EYS: variants seen among roughly 807,000 people sequenced by gnomAD.
EYS encodes protein eyes shut homolog.
Under a neutral mutation model 282.1 loss-of-function variants are expected in EYS, and 250 were observed. The ratio of observed to expected loss-of-function variants is 0.89; its 90% CI spans 0.80 to 0.98. The LOEUF is 0.98. Among genes scored for constraint, EYS ranks in the 50% least tolerant of loss-of-function variants. EYS has a pLI of 0.00. For synonymous variants in EYS, 1,355 were observed against 1,282.9 expected, an observed-to-expected ratio of 1.06 and a Z score of -1.20; for missense variants, 4,016 against 3,709.0, an observed-to-expected ratio of 1.08 and a Z score of -2.15.
rs575308844 is a variant in EYS at position 64,334,294 on chromosome 6, T to C, written c.6079-27212A>G. On this transcript the variant is annotated intron_variant, in intron 29 of 42. Coordinates refer to ENST00000503581, the MANE Select transcript of EYS (RefSeq NM_001142800.2). Reference sequence around the variant, plus strand: ...ACTACCTGATAAATGGACAGGGGCATGTGTATTAGGAAAAATAAGGCCATC... The same window carrying C: ...ACTACCTGATAAATGGACAGGGGCACGTGTATTAGGAAAAATAAGGCCATC... Among the ~76,000 whole-genome samples, 4 of 152,232 alleles carry C rather than the reference T, an allele frequency of 2.6e-5. No individual in the cohort carries two copies. The South Asian group carries it at 8.3e-4, about 32-fold the overall frequency.
At chr6:64,129,240 A>G (rs1404684913) in intron 31 of EYS, among the ~76,000 whole-genome samples, 2 of 152,178 alleles carry the variant, frequency 1.3e-5, no homozygotes, top group African/African-American at 4.8e-5. Flanking sequence ...AGTCCCACCA[A>G]CAGTGTAAAA....
At chr6:63,882,418 G>A (rs1432649166) in intron 35 of EYS, among the ~76,000 whole-genome samples, 1 of 152,168 alleles carries the variant, frequency 6.6e-6, no homozygotes, top group Non-Finnish European at 1.5e-5. Context: ...TCCATGAGGG[G>A]CAGAGGAGCA....
chr6:65,016,013 C>A (rs1211668905), intron 13 of EYS, among the ~76,000 whole-genome samples: 2 of 149,324 alleles, frequency 1.3e-5, no homozygotes, highest in South Asian at 2.1e-4. Context: ...CCACTGCAAT[C>A]CAGGCTGGCA....
intron 40 of EYS, among the ~76,000 whole-genome samples, chr6:63,766,487 G>T (rs893898422): frequency 6.6e-6 from 1 of 152,032 alleles, no homozygotes; most frequent in African/African-American, 2.4e-5. Flanking sequence ...GCAGATGGAG[G>T]CAAAAGTCCT....
At chr6:65,015,169 A>G (rs902910242) in intron 13 of EYS, among the ~76,000 whole-genome samples, 2 of 152,220 alleles carry the variant, frequency 1.3e-5, no homozygotes, top group Non-Finnish European at 2.9e-5. Flanking sequence ...GTGCAGTTTT[A>G]AGTTTGTGAA....
chr6:65,225,415 T>C (rs978998868), intron 12 of EYS, among the ~76,000 whole-genome samples: 6 of 151,736 alleles, frequency 4.0e-5, no homozygotes, highest in Non-Finnish European at 1.5e-5. Flanking sequence ...AGTTTCAACA[T>C]AGAAAACCAA....
chr6:65,586,873 G>T (rs1334123728), intron 2 of EYS, among the ~76,000 whole-genome samples: 1 of 151,826 alleles, frequency 6.6e-6, no homozygotes, highest in Non-Finnish European at 1.5e-5. Flanking sequence ...TATTTTTTCT[G>T]TTCAACTAAA....
At chr6:64,061,133 A>G (rs990419699) in intron 33 of EYS, among the ~76,000 whole-genome samples, 6 of 152,170 alleles carry the variant, frequency 3.9e-5, no homozygotes, top group African/African-American at 1.4e-4. Context: ...GTAGCATCTA[A>G]GGAAGGGGGA....
rs567984291 is a variant in EYS at position 64,898,249 on chromosome 6, G to A, written c.2846+3864C>T. On this transcript the variant is annotated intron_variant, in intron 18 of 42. Transcript: ENST00000503581. ...AAAGGGAGCCCATCAGACTAACAGC[G>A]GATCTTTCTGCAGAAAACCCACAAG... Among the ~76,000 whole-genome samples the A allele has an allele frequency of 2.5e-4, 38 of 152,210 alleles. No individual in the cohort carries two copies. In the East Asian group the frequency reaches 4.3e-3, roughly 17 times the overall value.
intron 34 of EYS, among the ~76,000 whole-genome samples, chr6:63,990,107 AG>A (rs1379214166): frequency 7.9e-5 from 12 of 151,856 alleles, no homozygotes; most frequent in Admixed American, 3.3e-4. Flanking sequence ...TAAATAAAAA[AG>A]AAGTATGTGG....
intron 12 of EYS, among the ~76,000 whole-genome samples, chr6:65,233,570 T>G (rs777129334): frequency 1.3e-5 from 2 of 152,158 alleles, no homozygotes; most frequent in Non-Finnish European, 2.9e-5. Context: ...GATATGTGTG[T>G]GTGGCTTGGA....
At chr6:64,394,133 GA>G (rs1773266466) in intron 28 of EYS, among the ~76,000 whole-genome samples, 1 of 152,138 alleles carries the variant, frequency 6.6e-6, no homozygotes, top group Non-Finnish European at 1.5e-5. Context: ...AATAAAAGAG[GA>G]CAGAAACAAA....
intron 5 of EYS, among the ~76,000 whole-genome samples, chr6:65,483,959 C>T: frequency 6.6e-6 from 1 of 152,084 alleles, no homozygotes; most frequent in Non-Finnish European, 1.5e-5. Flanking sequence ...GATGTGCCCC[C>T]ATGATTCAAT....
chr6:64,995,909 A>C lies in EYS; in HGVS notation c.2259+1673T>G, dbSNP rs77304806. ...GTTGTACTCCTTGACTTGTCAAATG[A>C]CTGGCTTAATGTCCCACAGAATATC... is the stretch of plus-strand genomic sequence containing the variant. On this transcript the variant is annotated intron_variant, in intron 14 of 42. Coordinates refer to ENST00000503581, the MANE Select transcript of EYS (RefSeq NM_001142800.2). Among the ~76,000 whole-genome samples, 794 of 152,292 alleles carry C rather than the reference A, an allele frequency of 5.2e-3. 12 individuals carry two copies. The South Asian group carries it at 0.06, about 12-fold the overall frequency.
At chr6:65,511,906 G>C (rs1394509445) in intron 2 of EYS, among the ~76,000 whole-genome samples, 1 of 148,278 alleles carries the variant, frequency 6.7e-6, no homozygotes, top group Non-Finnish European at 1.5e-5. Flanking sequence ...ACTTGAACCT[G>C]GGAGGCAGGC....
At chr6:64,719,057 G>A (rs1340968180) in intron 22 of EYS, among the ~76,000 whole-genome samples, 1 of 152,216 alleles carries the variant, frequency 6.6e-6, no homozygotes, top group African/African-American at 2.4e-5. Context: ...AAAATTCAGT[G>A]AGATTTGAAA....
At chr6:65,229,602 T>C (rs1344941736) in intron 12 of EYS, among the ~76,000 whole-genome samples, 3 of 151,186 alleles carry the variant, frequency 2.0e-5, no homozygotes, top group African/African-American at 7.3e-5. Context: ...AAGACAAGAG[T>C]GCAGATGGGT....
chr6:65,595,973 C>G (rs1765390230), intron 2 of EYS, among the ~76,000 whole-genome samples: 1 of 152,032 alleles, frequency 6.6e-6, no homozygotes. Flanking sequence ...CCCCCTATCT[C>G]AGTGGAAAAA....
At chr6:63,977,318 T>TTAGC (rs1316822175) in intron 35 of EYS, among the ~76,000 whole-genome samples, 2 of 152,022 alleles carry the variant, frequency 1.3e-5, no homozygotes, top group Admixed American at 1.3e-4. Context: ...ATCTTATCTT[T>TTAGC]TAGCTGTTTT....
Sources: allele counts gnomAD v4.1 joint callset (sites outside exome capture counted in the v4.1 genomes callset), GRCh38; gene constraint gnomAD v4.1.1; transcripts MANE v1.5; gene names NCBI Gene and HGNC (gene_info 2026-07-23, HGNC 2026-07-21).